Variants in SGCZ observed in about 807,000 individuals in gnomAD.
SGCZ encodes the protein sarcoglycan zeta, also known as zeta-sarcoglycan.
Under a neutral mutation model 41.3 loss-of-function variants are expected in SGCZ, and 40 were observed. That is an observed-to-expected ratio of 0.97 (90% CI 0.75 to 1.26). The LOEUF (loss-of-function observed/expected upper bound fraction) is 1.26, where lower values mean the gene tolerates loss of function less well. Ranked by LOEUF, SGCZ falls within the 50% of genes most tolerant of loss-of-function variation. The pLI is 0.00. For synonymous variants in SGCZ, 206 were observed against 137.5 expected (o/e 1.50, Z -3.49); for missense variants, 552 against 369.8 (o/e 1.49, Z -4.04).
At chr8:14,658,407 C>T (rs1807643450) in intron 1 of SGCZ, among the ~76,000 whole-genome samples, 1 of 152,120 alleles carries the variant, frequency 6.6e-6, no homozygotes, top group South Asian at 2.1e-4. Context: ...AAATTCAGAT[C>T]TGATCACTTT....
intron 3 of SGCZ, among the ~76,000 whole-genome samples, chr8:14,257,975 T>G (rs925453346): frequency 1.3e-5 from 2 of 152,166 alleles, no homozygotes; most frequent in African/African-American, 4.8e-5. Flanking sequence ...TTTGCTGCAG[T>G]GTCTCGAAGC....
chr8:15,075,408 T>C (rs1805494505), intron 1 of SGCZ, among the ~76,000 whole-genome samples: 1 of 152,214 alleles, frequency 6.6e-6, no homozygotes, highest in African/African-American at 2.4e-5. Flanking sequence ...AAAAGCATGC[T>C]GAACTTTAAG....
At chr8:14,273,916 A>T (rs1235070743) in intron 3 of SGCZ, among the ~76,000 whole-genome samples, 3 of 152,200 alleles carry the variant, frequency 2.0e-5, no homozygotes, top group Non-Finnish European at 4.4e-5. Flanking sequence ...GTTGTTTTAC[A>T]AGAAAAACTG....
At chr8:14,303,211 C>T (rs1276446966) in intron 3 of SGCZ, among the ~76,000 whole-genome samples, 2 of 152,118 alleles carry the variant, frequency 1.3e-5, no homozygotes, top group African/African-American at 4.8e-5. Context: ...CTCAACGCAT[C>T]CTTAAATTAA....
intron 1 of SGCZ, among the ~76,000 whole-genome samples, chr8:14,613,215 T>A (rs554858329): frequency 6.6e-6 from 1 of 152,172 alleles, no homozygotes; most frequent in African/African-American, 2.4e-5. Context: ...ATTTTTATAA[T>A]GTTTTAAATA....
intron 5 of SGCZ, among the ~76,000 whole-genome samples, chr8:14,146,905 T>TAATAATAAA: frequency 6.8e-6 from 1 of 146,362 alleles, no homozygotes. Context: ...ATAATAATAA[T>TAATAATAAA]AACTACAGCA....
chr8:14,764,401 G>A (rs1031454609), intron 1 of SGCZ, among the ~76,000 whole-genome samples: 1 of 152,166 alleles, frequency 6.6e-6, no homozygotes, highest in African/African-American at 2.4e-5. Flanking sequence ...TAATGGTCAA[G>A]GTGTTAATTA....
intron 5 of SGCZ, among the ~76,000 whole-genome samples, chr8:14,140,875 G>A (rs1170546726): frequency 1.3e-5 from 2 of 152,058 alleles, no homozygotes; most frequent in Middle Eastern, 3.2e-3. Flanking sequence ...ACAATCCTAA[G>A]CAAAAAGAAC....
chr8:14,923,876 T>G (rs1799665692), intron 1 of SGCZ, among the ~76,000 whole-genome samples: 1 of 152,004 alleles, frequency 6.6e-6, no homozygotes, highest in African/African-American at 2.4e-5. Context: ...AACCCCAGAG[T>G]TGGTACGAAG....
chr8:14,995,149 G>T (rs942660504), intron 1 of SGCZ, among the ~76,000 whole-genome samples: 1 of 152,256 alleles, frequency 6.6e-6, no homozygotes, highest in Non-Finnish European at 1.5e-5. Flanking sequence ...GGGCCATGGT[G>T]AGGCATTTGG....
At chr8:14,282,607 A>G (rs546551031) in intron 3 of SGCZ, among the ~76,000 whole-genome samples, 1 of 152,290 alleles carries the variant, frequency 6.6e-6, no homozygotes, top group South Asian at 2.1e-4. Flanking sequence ...CTATGGTCAC[A>G]TGCTAACATG....
intron 5 of SGCZ, 120 bp downstream of exon 5, chr8:14,164,460 T>G: frequency 8.2e-7 from 1 of 1,214,558 alleles, no homozygotes; most frequent in Non-Finnish European, 1.1e-6. Flanking sequence ...GAACAAACGT[T>G]GTGATTATGT....
intron 4 of SGCZ, among the ~76,000 whole-genome samples, chr8:14,178,871 T>C (rs1037614281): frequency 6.6e-6 from 1 of 152,192 alleles, no homozygotes; most frequent in Non-Finnish European, 1.5e-5. Flanking sequence ...TAGGAACTCA[T>C]TAAATGTCTA....
intron 1 of SGCZ, among the ~76,000 whole-genome samples, chr8:14,666,549 C>A (rs1807916465): frequency 6.6e-6 from 1 of 152,090 alleles, no homozygotes; most frequent in African/African-American, 2.4e-5. Context: ...CTTATCAGCA[C>A]AACTATTTGC....
intron 1 of SGCZ, among the ~76,000 whole-genome samples, chr8:14,932,772 T>A (rs956145967): frequency 1.3e-5 from 2 of 152,050 alleles, no homozygotes; most frequent in African/African-American, 4.8e-5. Context: ...AAACAACTAA[T>A]ATTTCTTGGT....
At chr8:14,958,114 C>T (rs1190961490) in intron 1 of SGCZ, among the ~76,000 whole-genome samples, 4 of 151,894 alleles carry the variant, frequency 2.6e-5, no homozygotes, top group Non-Finnish European at 4.4e-5. Flanking sequence ...TGGGTAGAAC[C>T]AGTAGGGGTC....
At chr8:14,401,124 G>C (rs1390369374) in intron 2 of SGCZ, among the ~76,000 whole-genome samples, 1 of 152,078 alleles carries the variant, frequency 6.6e-6, no homozygotes, top group Non-Finnish European at 1.5e-5. Flanking sequence ...ATTTACACTT[G>C]TAACAGGCAA....
chr8:15,070,819 A>C (rs1805324830), intron 1 of SGCZ, among the ~76,000 whole-genome samples: 1 of 152,228 alleles, frequency 6.6e-6, no homozygotes, highest in Admixed American at 6.5e-5. Context: ...TTTAGAGAAC[A>C]ACTTAGTAGC....
At chr8:14,105,049 A>AGAAAT (rs1187977924) in intron 6 of SGCZ, among the ~76,000 whole-genome samples, 1 of 152,142 alleles carries the variant, frequency 6.6e-6, no homozygotes, top group Non-Finnish European at 1.5e-5. Flanking sequence ...TATTAATGTA[A>AGAAAT]GAAATAAAAA....
Sources: gnomAD v4.1 joint callset for allele counts (sites outside exome capture counted in the v4.1 genomes callset) on GRCh38, gnomAD v4.1.1 for gene constraint, MANE v1.5 for transcripts, NCBI Gene and HGNC (gene_info 2026-07-23, HGNC 2026-07-21) for gene names.